ALDH2: variants seen among roughly 807,000 people sequenced by gnomAD.
ALDH2 encodes aldehyde dehydrogenase, mitochondrial.
ALDH2 carries 44 observed loss-of-function variants against 59.6 expected under a neutral mutation model. The ratio of observed to expected loss-of-function variants is 0.74; its 90% CI spans 0.58 to 0.95. ALDH2 has a LOEUF of 0.95. Ranked by LOEUF, ALDH2 falls within the 40% of genes least tolerant of loss-of-function variation. ALDH2 has a pLI of 0.00. For synonymous variants in ALDH2, 291 were observed against 284.0 expected (o/e 1.02, Z -0.25); for missense variants, 570 against 696.3 (o/e 0.82, Z 2.04).
chr12:111,796,409 A>G, intron 9 of ALDH2, among the ~76,000 whole-genome samples: 1 of 152,032 alleles, frequency 6.6e-6, no homozygotes, highest in South Asian at 2.1e-4. Context: ...GCTACTTGGG[A>G]GGCTGAGGTG....
At chr12:111,802,702 A>G (rs2068462852) in intron 11 of ALDH2, among the ~76,000 whole-genome samples, 1 of 150,116 alleles carries the variant, frequency 6.7e-6, no homozygotes, top group Non-Finnish European at 1.5e-5. Flanking sequence ...AACACAGTGA[A>G]ACCCCGTTTC....
At position 111,816,785 on chromosome 12, in the gene ALDH2, C is replaced by T. The variant is rs536722312; in HGVS notation, c.*7210C>T. On this transcript the variant is annotated 3_prime_UTR_variant, in exon 13 of 13. Coordinates refer to ENST00000261733, the MANE Select transcript of ALDH2 (RefSeq NM_000690.4). ...TTAGACAGGTCCAAGGGTTGAGGCT[C>T]TCCAGGCCTTGCTGGAATTTGGTCT... 1.5e-4 allele frequency: 23 copies of T among 152,322 alleles called. No homozygotes were observed. The highest frequency in any genetic ancestry group is 7.8e-4 in the Admixed American group (12 of 15,312). The allele number at this position is 152,322 out of a possible 1,614,324, so 9.4% of individuals were successfully genotyped here. A position where few individuals can be genotyped will look rare whatever the true frequency, so the allele number is the denominator to read the frequency against.
intron 9 of ALDH2, among the ~76,000 whole-genome samples, chr12:111,795,374 C>T (rs1223321295): frequency 6.6e-6 from 1 of 152,040 alleles, no homozygotes; most frequent in Non-Finnish European, 1.5e-5. Flanking sequence ...CCTCCACCTC[C>T]TAGGTTCAAA....
chr12:111,799,701 G>A lies in ALDH2; in HGVS notation c.1249-205G>A, dbSNP rs754874312. ...AAATGGGATACTGTATGTAAAGCCCGGGGCGCACAGGAGGAAGTTGGCCCC... is the reference window on the plus strand; with the variant it reads ...AAATGGGATACTGTATGTAAAGCCCAGGGCGCACAGGAGGAAGTTGGCCCC... On this transcript the variant is annotated intron_variant, in intron 10 of 12. Coordinates refer to ENST00000261733, the MANE Select transcript of ALDH2 (RefSeq NM_000690.4). 29 of 503,552 alleles carry A rather than the reference G, an allele frequency of 5.8e-5. No homozygotes were observed. In the South Asian group the frequency reaches 1.0e-3, roughly 17 times the overall value. 31.2% of individuals were successfully genotyped at this position (503,552 alleles called of 1,614,324 possible). A position where few individuals can be genotyped will look rare whatever the true frequency, so the allele number is the denominator to read the frequency against.
At chr12:111,798,733 GCAGTTGCTCACGC>G (rs1366817777) in intron 10 of ALDH2, among the ~76,000 whole-genome samples, 1 of 152,018 alleles carries the variant, frequency 6.6e-6, no homozygotes, top group Non-Finnish European at 1.5e-5. Flanking sequence ...CAGGCTGGGT[GCAGTTGCTCACGC>G]CTGTAATCCC....
At chr12:111,787,811 C>A (rs983022160) in intron 4 of ALDH2, among the ~76,000 whole-genome samples, 11 of 151,982 alleles carry the variant, frequency 7.2e-5, no homozygotes, top group Non-Finnish European at 1.6e-4. Flanking sequence ...GCGGGGGGAT[C>A]ACGAGGTCAG....
rs143649540 is a variant in ALDH2 at position 111,812,022 on chromosome 12, G to A, written c.*2447G>A. ...CATCTCCAATGACAGGTAAGGTCAC[G>A]TGGGTCACGTGTCCACTGGACAGGG... On this transcript the variant is annotated 3_prime_UTR_variant, in exon 13 of 13. Transcript: ENST00000261733. 1,790 of 154,588 alleles carry A rather than the reference G, an allele frequency of 0.012. 15 individuals are homozygous for A. Among genetic ancestry groups the A allele is most frequent in the Non-Finnish European group, 0.018 (1,238 of 69,432 alleles). The allele number at this position is 154,588 out of a possible 1,614,324, so 9.6% of individuals were successfully genotyped here.
At chr12:111,789,017 CTTTT>C (rs1224537015) in intron 4 of ALDH2, among the ~76,000 whole-genome samples, 1 of 125,160 alleles carries the variant, frequency 8.0e-6, no homozygotes, top group Non-Finnish European at 1.7e-5. Flanking sequence ...TCTTTCTTTT[CTTTT>C]TTTTTTTTTT....
At chr12:111,800,156 G>A (rs1325640146) in intron 11 of ALDH2, 93 bp downstream of exon 11, 9 of 1,426,050 alleles carry the variant, frequency 6.3e-6, no homozygotes, top group Non-Finnish European at 8.4e-6. Flanking sequence ...TGGAATTTGG[G>A]GAGCTGGGCT....
chr12:111,811,392 T>A lies in ALDH2; in HGVS notation c.*1817T>A, dbSNP rs967229074. ...GAAAAAGAAGAAATGGAAGCTGGGT[T>A]CAAGAGGGCAATCAGCAGTCTCTAC... On this transcript the variant is annotated 3_prime_UTR_variant, in exon 13 of 13. Coordinates refer to ENST00000261733, the MANE Select transcript of ALDH2 (RefSeq NM_000690.4). 10 of 151,504 alleles carry A rather than the reference T, an allele frequency of 6.6e-5. No homozygotes were observed. Among genetic ancestry groups the A allele is most frequent in the African/African-American group, 2.4e-4 (10 of 41,294 alleles). The allele number at this position is 151,504 out of a possible 1,614,324, so 9.4% of individuals were successfully genotyped here.
intron 1 of ALDH2, chr12:111,775,561 G>A (rs113720691): frequency 2.8e-5 from 12 of 428,656 alleles, no homozygotes; most frequent in African/African-American, 2.5e-4. Flanking sequence ...AAATATGTAG[G>A]AATTAGAGTA....
chr12:111,807,847 A>G (rs2068509026), intron 12 of ALDH2, among the ~76,000 whole-genome samples: 1 of 150,852 alleles, frequency 6.6e-6, no homozygotes, highest in South Asian at 2.1e-4. Context: ...CTATGGGAGC[A>G]TTTTAAGTAG....
rs1203408580 is a variant in ALDH2 at position 111,811,466 on chromosome 12, C to CT, written c.*1902dup. The CT allele has an allele frequency of 0.019, 2,713 of 146,192 alleles. 84 individuals are homozygous for CT. The highest frequency in any genetic ancestry group is 0.061 in the African/African-American group (2,462 of 40,096). 9.1% of individuals were successfully genotyped at this position (146,192 alleles called of 1,614,324 possible). A position where few individuals can be genotyped will look rare whatever the true frequency, so the allele number is the denominator to read the frequency against. ...GATTTGAGTCTTGACAATGTATTTTCTTTTTTTTTTTCTTCTTTTTTTTTT... is the reference window on the plus strand; with the variant it reads ...GATTTGAGTCTTGACAATGTATTTTCTTTTTTTTTTTTCTTCTTTTTTTTTT... On this transcript the variant is annotated 3_prime_UTR_variant, in exon 13 of 13. Transcript: ENST00000261733.
intron 9 of ALDH2, among the ~76,000 whole-genome samples, chr12:111,793,819 C>T (rs1265083423): frequency 6.6e-6 from 1 of 151,550 alleles, no homozygotes; most frequent in East Asian, 1.9e-4. Context: ...CTCCTGAGCT[C>T]GGGCAATCTG....
At chr12:111,783,459 C>T (rs1206007707) in intron 3 of ALDH2, among the ~76,000 whole-genome samples, 161 bp downstream of exon 3, 1 of 152,202 alleles carries the variant, frequency 6.6e-6, no homozygotes, top group Non-Finnish European at 1.5e-5. Context: ...TAGGGGGCAC[C>T]TCTGTACTAA....
chr12:111,772,631 G>A (rs534660080), intron 1 of ALDH2, among the ~76,000 whole-genome samples: 46 of 150,078 alleles, frequency 3.1e-4, no homozygotes, highest in African/African-American at 1.0e-3. Context: ...AAAGTGCTGG[G>A]ATTACAGGCG....
At chr12:111,767,499 CCT>C (rs2068167905) in intron 1 of ALDH2, among the ~76,000 whole-genome samples, 2 of 152,194 alleles carry the variant, frequency 1.3e-5, no homozygotes, top group African/African-American at 4.8e-5. Context: ...CCCTTTACCC[CCT>C]GACTCATGCC....
intron 1 of ALDH2, 47 bp from the exon 2 acceptor site, chr12:111,781,871 A>G: frequency 7.2e-7 from 1 of 1,396,916 alleles, no homozygotes; most frequent in Non-Finnish European, 1.0e-6. Flanking sequence ...GGTAGTCAGT[A>G]TTAGGTTGAC....
intron 10 of ALDH2, among the ~76,000 whole-genome samples, chr12:111,799,266 G>A (rs1027703877): frequency 1.3e-5 from 2 of 151,022 alleles, no homozygotes; most frequent in African/African-American, 4.9e-5. Context: ...CCGGGTTCAA[G>A]CGATTCTCCT....
Sources: allele counts gnomAD v4.1 joint callset (sites outside exome capture counted in the v4.1 genomes callset), GRCh38; gene constraint gnomAD v4.1.1; transcripts MANE v1.5; gene names NCBI Gene and HGNC (gene_info 2026-07-23, HGNC 2026-07-21).